Variants in MYOZ3 observed in about 807,000 individuals in gnomAD.
MYOZ3 encodes the protein myozenin 3.
A neutral mutation model predicts 26.5 loss-of-function variants in MYOZ3; 19 were observed. That is an observed-to-expected ratio of 0.72 (90% CI 0.50 to 1.05). The LOEUF (loss-of-function observed/expected upper bound fraction) is 1.05. MYOZ3 is among the 50% of genes least tolerant of loss of function. The pLI, the probability that MYOZ3 is intolerant of heterozygous loss-of-function variation, is 0.00. For missense variants in MYOZ3, 322 were observed against 337.1 expected (o/e 0.96, Z 0.35); for synonymous variants, 135 against 138.8 (o/e 0.97, Z 0.19).
At chr5:150,667,541 A>G (rs1317080022) in intron 2 of MYOZ3, among the ~76,000 whole-genome samples, 4 of 152,156 alleles carry the variant, frequency 2.6e-5, no homozygotes, top group African/African-American at 9.7e-5. Flanking sequence ...ACTCCTGCTC[A>G]AGGACATTCC....
intron 2 of MYOZ3, among the ~76,000 whole-genome samples, chr5:150,664,096 G>A (rs1284197371): frequency 6.6e-6 from 1 of 152,088 alleles, no homozygotes; most frequent in Non-Finnish European, 1.5e-5. Flanking sequence ...AGCATACAGA[G>A]TCCCAGCATC....
intron 2 of MYOZ3, among the ~76,000 whole-genome samples, chr5:150,669,728 C>T (rs1316131344): frequency 7.0e-6 from 1 of 142,466 alleles, no homozygotes; most frequent in Non-Finnish European, 1.5e-5. Context: ...TTACTGCAAC[C>T]TCCACCTCCT....
chr5:150,670,763 T>C, intron 3 of MYOZ3, 125 bp downstream of exon 3: 1 of 866,246 alleles, frequency 1.2e-6, no homozygotes. Flanking sequence ...GCTCCTGCCT[T>C]TCAGTGTGAT....
chr5:150,675,242 G>A lies in MYOZ3; in HGVS notation c.588-1465G>A, dbSNP rs533005882. Among the ~76,000 whole-genome samples the A allele has an allele frequency of 2.0e-5, 3 of 149,522 alleles. No individual in the cohort carries two copies. The East Asian group carries it at 5.9e-4, about 29-fold the overall frequency. On this transcript the variant is annotated intron_variant, in intron 6 of 6. Transcript: ENST00000517768. ...GAATGGCGTTTGTGTGTGTGTGGGGGTGTGTGTGTTAATACTTTGCACTTC... is the reference window on the plus strand; with the variant it reads ...GAATGGCGTTTGTGTGTGTGTGGGGATGTGTGTGTTAATACTTTGCACTTC...
chr5:150,670,515 C>T lies in MYOZ3; in HGVS notation c.93C>T (p.Ser31=), dbSNP rs772872012. The T allele has an allele frequency of 2.5e-6, 4 of 1,612,462 alleles. No homozygotes were observed. The highest frequency in any genetic ancestry group is 2.2e-5 in the South Asian group (2 of 90,848). The change falls in exon 3 of 7, where the codon AGC becomes AGT. Residue 31 remains serine, a synonymous_variant. Transcript: ENST00000517768. ...CGCTGGACCTGGGCAAGAAGCTGAG[C>T]GTGCCCCAGGACCTGATGATGGAGG... ...VPTLDLGKKL[S]VPQDLMMEEL... is the part of the protein sequence containing the mutation.
At chr5:150,672,601 C>A in intron 6 of MYOZ3, 99 bp downstream of exon 6, 1 of 1,376,296 alleles carries the variant, frequency 7.3e-7, no homozygotes, top group Non-Finnish European at 9.8e-7. Context: ...TTTCTGCAGG[C>A]CAGGCTCTGT....
intron 6 of MYOZ3, among the ~76,000 whole-genome samples, chr5:150,675,573 A>G (rs1273705332): frequency 6.6e-6 from 1 of 152,120 alleles, no homozygotes; most frequent in Non-Finnish European, 1.5e-5. Context: ...GGGTTTCACC[A>G]TGTGGGCCAG....
At chr5:150,670,255 C>T (rs1420514597) in intron 2 of MYOZ3, 6 of 411,098 alleles carry the variant, frequency 1.5e-5, no homozygotes, top group South Asian at 6.6e-5. Context: ...CAAAGAACTT[C>T]GGAAACAGTG....
chr5:150,671,553 C>T (rs757051949), intron 3 of MYOZ3, 44 bp from the exon 4 acceptor site: 1 of 1,609,008 alleles, frequency 6.2e-7, no homozygotes. Context: ...GGTCCCCTGC[C>T]CCGCTGAGCT....
chr5:150,670,353 A>G, intron 2 of MYOZ3, 131 bp from the exon 3 acceptor site: 1 of 1,044,880 alleles, frequency 9.6e-7, no homozygotes, highest in Non-Finnish European at 1.3e-6. Context: ...TCAAACAATC[A>G]TGACACCCGG....
chr5:150,667,889 TA>T (rs1758833969), intron 2 of MYOZ3, among the ~76,000 whole-genome samples: 1 of 152,182 alleles, frequency 6.6e-6, no homozygotes, highest in African/African-American at 2.4e-5. Context: ...ATCAAAATAA[TA>T]AAAGGGCATT....
At chr5:150,672,694 A>G (rs1177245862) in intron 6 of MYOZ3, 192 bp downstream of exon 6, 1 of 616,758 alleles carries the variant, frequency 1.6e-6, no homozygotes, top group East Asian at 3.1e-5. Context: ...ACGTGGGAGA[A>G]ATGAAGAGTG....
At position 150,671,548 on chromosome 5, in the gene MYOZ3, C is replaced by T. The variant is rs993374282; in HGVS notation, c.217-49C>T. On this transcript the variant is annotated intron_variant, in intron 3 of 6. Coordinates refer to ENST00000517768, the MANE Select transcript of MYOZ3 (RefSeq NM_001122853.3). ...TTTGGTGGAGGGAGAACCCTGGTCC[C>T]CTGCCCCGCTGAGCTTCTCTGCGGT... is the stretch of plus-strand genomic sequence containing the variant. 12 of 1,608,592 alleles carry T rather than the reference C, an allele frequency of 7.5e-6. No individual in the cohort carries two copies. The African/African-American group carries it at 1.1e-4, about 14-fold the overall frequency.
intron 1 of MYOZ3, among the ~76,000 whole-genome samples, chr5:150,662,388 C>CG (rs1435473327): frequency 6.6e-6 from 1 of 152,096 alleles, no homozygotes; most frequent in Non-Finnish European, 1.5e-5. Flanking sequence ...ATGGGGAGGA[C>CG]GGGGGATGGT....
rs1030037776 is a variant in MYOZ3 at position 150,673,486 on chromosome 5, G to A, written c.587+984G>A. ...CTCCCTAGTAGCTGGGATTACAGGC[G>A]CCCACCACCGTGCCCGGCTAATTTT... On this transcript the variant is annotated intron_variant, in intron 6 of 6. Transcript: ENST00000517768. Among the ~76,000 whole-genome samples, 80 of 152,040 alleles carry A rather than the reference G, an allele frequency of 5.3e-4. 1 individual carries two copies. The highest frequency in any genetic ancestry group is 1.9e-3 in the African/African-American group (78 of 41,476).
chr5:150,663,221 G>A (rs1217664525), intron 2 of MYOZ3, among the ~76,000 whole-genome samples: 1 of 152,236 alleles, frequency 6.6e-6, no homozygotes, highest in Non-Finnish European at 1.5e-5. Context: ...AGGAGCTGAG[G>A]CTGAGTGTCC....
intron 5 of MYOZ3, chr5:150,672,127 A>G (rs1349465986): frequency 9.7e-7 from 1 of 1,027,988 alleles, no homozygotes; most frequent in Admixed American, 2.0e-5. Context: ...CGCGCTGCGA[A>G]CTCGTGGCTT....
At position 150,670,579 on chromosome 5, in the gene MYOZ3, C is replaced by T; in HGVS notation, c.157C>T (p.Gln53Ter). 1 of 1,613,086 alleles carries T rather than the reference C, an allele frequency of 6.2e-7. No homozygotes were observed. The highest frequency in any genetic ancestry group is 8.5e-7 in the Non-Finnish European group (1 of 1,179,542). The change falls in exon 3 of 7, where the codon CAG becomes TAG. Residue 53 changes from glutamine (Q) to a stop codon, truncating the protein, a stop_gained. Transcript: ENST00000517768. LOFTEE classifies it high-confidence loss of function. The part of the protein sequence containing the change: ...LRNNRGSLLF[Q>*]KRQRRVQKFT... The stretch of plus-strand genomic sequence containing the variant: ...CAACAACAGAGGGTCCCTCCTCTTC[C>T]AGAAGAGGCAGCGCCGTGTGCAGAA...
chr5:150,672,036 G>A (rs1038037504), intron 5 of MYOZ3, 128 bp downstream of exon 5: 22 of 1,340,246 alleles, frequency 1.6e-5, no homozygotes, highest in Non-Finnish European at 1.9e-5. Context: ...GCGCACGCGC[G>A]CACTCCCCTC....
Sources: gnomAD v4.1 joint callset for allele counts (sites outside exome capture counted in the v4.1 genomes callset) on GRCh38, gnomAD v4.1.1 for gene constraint, MANE v1.5 for transcripts, NCBI Gene and HGNC (gene_info 2026-07-23, HGNC 2026-07-21) for gene names.